ZNF710: variants seen among roughly 807,000 people sequenced by gnomAD.
ZNF710 encodes the protein zinc finger protein 710.
ZNF710 carries 13 observed loss-of-function variants against 50.6 expected under a neutral mutation model. The observed-to-expected ratio is 0.26, with a 90% CI of 0.17 to 0.41. The LOEUF is 0.41. Among genes scored for constraint, ZNF710 ranks in the 10% least tolerant of loss-of-function variants. The pLI, the probability that ZNF710 is intolerant of heterozygous loss-of-function variation, is 1.00. For synonymous variants in ZNF710, 383 were observed against 397.0 expected (o/e 0.96, Z 0.42); for missense variants, 721 against 936.6 (o/e 0.77, Z 3.01).
Position 90,081,355 on chromosome 15 carries a change from G to C in ZNF710, c.*1526G>C, listed in dbSNP as rs1235893396. 6.6e-6 allele frequency: 1 copy of C among 152,292 alleles called. No individual in the cohort carries two copies. The highest frequency in any genetic ancestry group is 1.5e-5 in the Non-Finnish European group (1 of 68,140). The allele number at this position is 152,292 out of a possible 1,614,324, so 9.4% of individuals were successfully genotyped here. A position where few individuals can be genotyped will look rare whatever the true frequency, so the allele number is the denominator to read the frequency against. ...CACCCACTTGCCTCCTGAGGCCTCA[G>C]TGGGGAGGGGCAAGCAGGGGTCTTC... On this transcript the variant is annotated 3_prime_UTR_variant, in exon 5 of 5. Transcript: ENST00000268154.
At chr15:90,019,325 A>G (rs1257362733) in intron 1 of ZNF710, among the ~76,000 whole-genome samples, 2 of 151,756 alleles carry the variant, frequency 1.3e-5, no homozygotes, top group Non-Finnish European at 2.9e-5. Context: ...TATTTAACCA[A>G]TCTCCTACAT....
chr15:90,033,467 G>A (rs913256448), intron 1 of ZNF710, among the ~76,000 whole-genome samples: 2 of 152,180 alleles, frequency 1.3e-5, no homozygotes, highest in African/African-American at 2.4e-5. Flanking sequence ...GATCCCAACA[G>A]GCCAGTTCAG....
chr15:90,008,408 A>G (rs1898191274), intron 1 of ZNF710, among the ~76,000 whole-genome samples: 2 of 140,108 alleles, frequency 1.4e-5, no homozygotes, highest in Non-Finnish European at 3.0e-5. Context: ...TATATAGTAT[A>G]CGTGTGTGTG....
intron 1 of ZNF710, among the ~76,000 whole-genome samples, chr15:90,046,975 C>T (rs1260990933): frequency 6.6e-6 from 1 of 152,222 alleles, no homozygotes; most frequent in African/African-American, 2.4e-5. Context: ...TCTCAGCATA[C>T]TGCTGGCAAC....
At chr15:90,033,542 A>G (rs556296028) in intron 1 of ZNF710, among the ~76,000 whole-genome samples, 1 of 152,066 alleles carries the variant, frequency 6.6e-6, no homozygotes, top group South Asian at 2.1e-4. Context: ...CTTGTCCCAT[A>G]TGTTCCTTTT....
rs1248004016 is a variant in ZNF710 at position 90,034,200 on chromosome 15, A to AAAAAAAG, written c.-29+32591_-29+32597dup. ...GTGACAGAGTGAGACTCTGTCTCAA[A>AAAAAAAG]AAAAAAGAAAAGAAAAGAAAAGAAA... On this transcript the variant is annotated intron_variant, in intron 1 of 4. Coordinates refer to ENST00000268154, the MANE Select transcript of ZNF710 (RefSeq NM_198526.4). The surrounding 1 kb of genome is among the most constrained non-coding windows in gnomAD (Gnocchi z 4.0). Among the ~76,000 whole-genome samples, 1 of 150,696 alleles carries AAAAAAAG rather than the reference A, an allele frequency of 6.6e-6. No homozygotes were observed. The highest frequency in any genetic ancestry group is 2.5e-5 in the African/African-American group (1 of 40,496).
Position 90,037,788 on chromosome 15 carries a change from G to A in ZNF710, c.-28-29322G>A, listed in dbSNP as rs921731925. Among the ~76,000 whole-genome samples the A allele has an allele frequency of 5.9e-5, 9 of 152,270 alleles. No individual in the cohort carries two copies. The South Asian group carries it at 8.3e-4, about 14-fold the overall frequency. On this transcript the variant is annotated intron_variant, in intron 1 of 4. Coordinates refer to ENST00000268154, the MANE Select transcript of ZNF710 (RefSeq NM_198526.4). Reference sequence around the variant, plus strand: ...TCTGTGCTTAAAGATGAGGGATGTCGGGCTTCTGCCCTCAAAGAACTCTGG... The same window carrying A: ...TCTGTGCTTAAAGATGAGGGATGTCAGGCTTCTGCCCTCAAAGAACTCTGG...
chr15:90,065,244 G>A (rs1227467096), intron 1 of ZNF710, among the ~76,000 whole-genome samples: 1 of 152,212 alleles, frequency 6.6e-6, no homozygotes, highest in African/African-American at 2.4e-5. Context: ...GGAGGGGGAC[G>A]CCTTGCCCGG....
chr15:90,047,629 G>A (rs1051525611), intron 1 of ZNF710, among the ~76,000 whole-genome samples: 2 of 145,746 alleles, frequency 1.4e-5, no homozygotes, highest in African/African-American at 5.2e-5. Context: ...TCTGTCGCCA[G>A]GCTGGGGTGT....
intron 1 of ZNF710, among the ~76,000 whole-genome samples, chr15:90,004,901 A>C (rs1022448876): frequency 2.0e-5 from 3 of 152,244 alleles, no homozygotes; most frequent in Non-Finnish European, 4.4e-5. Flanking sequence ...ACTAGGGGGA[A>C]CTGGGTGATT....
chr15:90,054,402 C>T (rs181008899), intron 1 of ZNF710, among the ~76,000 whole-genome samples: 6 of 152,192 alleles, frequency 3.9e-5, no homozygotes, highest in African/African-American at 9.6e-5. Flanking sequence ...AATTAGGCCC[C>T]GGTGTGGGAA....
At chr15:90,012,722 T>A (rs1425804769) in intron 1 of ZNF710, among the ~76,000 whole-genome samples, 1 of 152,180 alleles carries the variant, frequency 6.6e-6, no homozygotes, top group Non-Finnish European at 1.5e-5. Flanking sequence ...TTCACTGAGG[T>A]ATTTTTAATA....
intron 1 of ZNF710, among the ~76,000 whole-genome samples, chr15:90,028,726 A>G (rs1269952406): frequency 6.6e-6 from 1 of 152,180 alleles, no homozygotes; most frequent in Non-Finnish European, 1.5e-5. Context: ...ACGGGAAGCA[A>G]TCTCAATGTC....
At chr15:90,003,742 T>C (rs952546812) in intron 1 of ZNF710, among the ~76,000 whole-genome samples, 5 of 152,176 alleles carry the variant, frequency 3.3e-5, no homozygotes, top group Non-Finnish European at 7.3e-5. Flanking sequence ...TCATTGGTTT[T>C]ATTAGCTGAC....
In ZNF710 at chr15:90,035,717, C is replaced by T. The variant is rs9806718; in HGVS notation, c.-28-31393C>T. Among the ~76,000 whole-genome samples, 818 of 152,312 alleles carry T rather than the reference C, an allele frequency of 5.4e-3. 7 individuals carry two copies. The highest frequency in any genetic ancestry group is 0.019 in the African/African-American group (788 of 41,568). ...TTGGATAGCAAACAGCGATCAGCAG[C>T]GGAGCCAGCCTGCTGCCTTCCTGCA... is the stretch of plus-strand genomic sequence containing the variant. On this transcript the variant is annotated intron_variant, in intron 1 of 4. Coordinates refer to ENST00000268154, the MANE Select transcript of ZNF710 (RefSeq NM_198526.4).
chr15:90,003,351 G>A (rs1486310297), intron 1 of ZNF710, among the ~76,000 whole-genome samples: 3 of 152,146 alleles, frequency 2.0e-5, no homozygotes, highest in African/African-American at 7.2e-5. Flanking sequence ...GTCCCTGTGG[G>A]CATCTGGGAA....
At chr15:90,031,006 G>A (rs1294701076) in intron 1 of ZNF710, among the ~76,000 whole-genome samples, 6 of 113,216 alleles carry the variant, frequency 5.3e-5, no homozygotes, top group South Asian at 2.7e-4. Flanking sequence ...GCGACAGAGC[G>A]AGACTCCGTC....
At chr15:90,066,642 A>C (rs146005776) in intron 1 of ZNF710, among the ~76,000 whole-genome samples, 1,831 of 151,874 alleles carry the variant, frequency 0.012, 19 homozygotes, top group Non-Finnish European at 0.016. Context: ...CGCCCAGCTA[A>C]TTTTGTATTT....
chr15:90,027,487 G>A (rs1898814200), intron 1 of ZNF710, among the ~76,000 whole-genome samples: 1 of 151,928 alleles, frequency 6.6e-6, no homozygotes, highest in Non-Finnish European at 1.5e-5. Context: ...TAGGATTATA[G>A]ACGTGAGCCA....
Sources: gnomAD v4.1 joint callset for allele counts (sites outside exome capture counted in the v4.1 genomes callset) on GRCh38, gnomAD v4.1.1 for gene constraint, Gnocchi (gnomAD v3.1) non-coding constraint, MANE v1.5 for transcripts, NCBI Gene and HGNC (gene_info 2026-07-23, HGNC 2026-07-21) for gene names.